The following RNF130 variants were observed in gnomAD, a reference collection of about 807,000 sequenced individuals.
RNF130 encodes the protein ring finger protein 130, also known as E3 ubiquitin-protein ligase RNF130.
A neutral mutation model predicts 44.6 loss-of-function variants in RNF130; 21 were observed. That is an observed-to-expected ratio of 0.47 (90% CI 0.33 to 0.68). The LOEUF (loss-of-function observed/expected upper bound fraction) is 0.68, where lower values mean the gene tolerates loss of function less well. Among genes scored for constraint, RNF130 ranks in the 30% least tolerant of loss-of-function variants. The pLI is 0.02. For synonymous variants in RNF130, 214 were observed against 210.4 expected (o/e 1.02, Z -0.15); for missense variants, 479 against 560.6 (o/e 0.85, Z 1.47).
At chr5:179,998,579 A>C (rs1763253139) in intron 3 of RNF130, among the ~76,000 whole-genome samples, 1 of 152,048 alleles carries the variant, frequency 6.6e-6, no homozygotes, top group South Asian at 2.1e-4. Context: ...GACTACATGC[A>C]AGCAAAACTG....
At chr5:180,005,182 C>A (rs1233979489) in intron 3 of RNF130, among the ~76,000 whole-genome samples, 1 of 152,180 alleles carries the variant, frequency 6.6e-6, no homozygotes, top group Non-Finnish European at 1.5e-5. Context: ...AATCCCAGCA[C>A]TTTGGGAGGC....
chr5:179,919,919 G>A (rs1761603725), exon 8 of RNF130: 1 of 172,726 alleles, frequency 5.8e-6, no homozygotes, highest in African/African-American at 2.4e-5. Context: ...TTCTCCCACA[G>A]GGCAGTATGC....
chr5:179,960,931 T>G (rs901785605), intron 8 of RNF130, among the ~76,000 whole-genome samples: 1 of 152,144 alleles, frequency 6.6e-6, no homozygotes, highest in African/African-American at 2.4e-5. Flanking sequence ...AAAAATTCAT[T>G]AATAACGAAT....
chr5:180,045,105 A>C (rs1183212112), intron 1 of RNF130, among the ~76,000 whole-genome samples: 1 of 152,192 alleles, frequency 6.6e-6, no homozygotes, highest in Non-Finnish European at 1.5e-5. Context: ...ATTAAGTAAG[A>C]CGATATGTAA....
intron 2 of RNF130, among the ~76,000 whole-genome samples, chr5:180,013,788 T>G (rs1366463797): frequency 3.0e-4 from 45 of 152,210 alleles, no homozygotes; most frequent in Admixed American, 2.9e-3. Flanking sequence ...CTTGCACTAA[T>G]CTAGGAACAT....
intron 2 of RNF130, among the ~76,000 whole-genome samples, chr5:180,028,690 C>T (rs933259583): frequency 6.6e-6 from 1 of 152,168 alleles, no homozygotes; most frequent in African/African-American, 2.4e-5. Context: ...CCGGCAAACA[C>T]TCACTCGTAC....
rs137966598 is a variant in RNF130, at chr5:180,046,757, CCTAAGA to C, written c.248-6116_248-6111del. Among the ~76,000 whole-genome samples the C allele has an allele frequency of 6.4e-3, 979 of 152,314 alleles. 6 individuals carry two copies. The highest frequency in any genetic ancestry group is 0.011 in the Non-Finnish European group (715 of 68,022). ...CTTCTCCAGAACGCTTTCCCAGCCT[CCTAAGA>C]CTGAGTTGGGTGCTTTTTTCAAGTT... On this transcript the variant is annotated intron_variant, in intron 1 of 8. Transcript: ENST00000521389.
intron 5 of RNF130, chr5:179,976,774 G>A (rs1441735351): frequency 1.3e-5 from 2 of 151,934 alleles, no homozygotes; most frequent in Non-Finnish European, 2.9e-5. Context: ...TAGCCTCATG[G>A]AGATAACAAC....
chr5:180,056,095 A>G (rs1469607790), intron 1 of RNF130, among the ~76,000 whole-genome samples: 1 of 152,112 alleles, frequency 6.6e-6, no homozygotes, highest in African/African-American at 2.4e-5. Flanking sequence ...AAAAAAAACA[A>G]AAACAAAAAC....
At chr5:180,015,746 A>AGGAAAGGAGTAGGGAAAGGAGTAG (rs146903340) in intron 2 of RNF130, among the ~76,000 whole-genome samples, 1 of 105,676 alleles carries the variant, frequency 9.5e-6, no homozygotes, top group Non-Finnish European at 2.0e-5. Flanking sequence ...GAAAAGGAGT[A>AGGAAAGGAGTAGGGAAAGGAGTAG]GGAAAGGAGT....
intron 1 of RNF130, among the ~76,000 whole-genome samples, chr5:180,042,085 AAG>A (rs1764433346): frequency 6.6e-6 from 1 of 152,174 alleles, no homozygotes; most frequent in Non-Finnish European, 1.5e-5. Flanking sequence ...GTAGTAGATA[AAG>A]AGATGACGCC....
At chr5:179,947,170 C>T (rs1019755400) in intron 7 of RNF130, among the ~76,000 whole-genome samples, 1 of 152,180 alleles carries the variant, frequency 6.6e-6, no homozygotes, top group African/African-American at 2.4e-5. Context: ...TTTGGTGAGG[C>T]AGTTTCTACA....
chr5:179,985,845 G>T (rs1582164176), intron 3 of RNF130, among the ~76,000 whole-genome samples: 1 of 151,930 alleles, frequency 6.6e-6, no homozygotes, highest in South Asian at 2.1e-4. Flanking sequence ...CCCCAAATAG[G>T]GCACTTTCAT....
chr5:180,046,204 A>C lies in RNF130; in HGVS notation c.248-5557T>G, dbSNP rs569458159. Among the ~76,000 whole-genome samples, 450 of 152,166 alleles carry C rather than the reference A, an allele frequency of 3.0e-3. 4 individuals carry two copies. Among genetic ancestry groups the C allele is most frequent in the Middle Eastern group, 0.014 (4 of 294 alleles). On this transcript the variant is annotated intron_variant, in intron 1 of 8. Transcript: ENST00000521389. ...GGCCCAGGTGCTAAGCCCCTCACTG[A>C]CCGGGGCAGGTGCAGGGCCCGCCAA...
At chr5:180,068,706 G>T (rs935593172) in intron 1 of RNF130, among the ~76,000 whole-genome samples, 2 of 152,194 alleles carry the variant, frequency 1.3e-5, no homozygotes, top group Non-Finnish European at 2.9e-5. Flanking sequence ...TCAATCCACA[G>T]CTTCAAAATG....
intron 2 of RNF130, among the ~76,000 whole-genome samples, chr5:180,024,135 T>C (rs1160084367): frequency 1.3e-5 from 2 of 152,128 alleles, no homozygotes; most frequent in African/African-American, 4.8e-5. Flanking sequence ...CTCAAAGCTG[T>C]CAAGGTCATC....
At chr5:180,028,678 T>C (rs1205228285) in intron 2 of RNF130, among the ~76,000 whole-genome samples, 2 of 152,182 alleles carry the variant, frequency 1.3e-5, no homozygotes, top group Non-Finnish European at 2.9e-5. Context: ...GAGGAAGTGT[T>C]CCCGGCAAAC....
Position 179,983,471 on chromosome 5 carries a change from C to G in RNF130, c.694-3271G>C, listed in dbSNP as rs751299732. Among the ~76,000 whole-genome samples, 42 of 151,848 alleles carry G rather than the reference C, an allele frequency of 2.8e-4. 1 individual carries two copies. The highest frequency in any genetic ancestry group is 3.4e-3 in the Middle Eastern group (1 of 292). ...GTCCATAAATATGTGGGTCTATGTG[C>G]GGACACTATTGTACCATGCATCTAT... On this transcript the variant is annotated intron_variant, in intron 3 of 8. Transcript: ENST00000521389.
intron 1 of RNF130, among the ~76,000 whole-genome samples, chr5:180,049,771 T>G (rs1159199483): frequency 6.6e-6 from 1 of 152,220 alleles, no homozygotes; most frequent in African/African-American, 2.4e-5. Context: ...TCTATTATTT[T>G]ATTGTGTTCT....
Sources: allele counts gnomAD v4.1 joint callset (sites outside exome capture counted in the v4.1 genomes callset), GRCh38; gene constraint gnomAD v4.1.1; transcripts MANE v1.5; gene names NCBI Gene and HGNC (gene_info 2026-07-23, HGNC 2026-07-21).